The following WDR35 variants were observed in gnomAD, a reference collection of about 807,000 sequenced individuals.
WDR35 encodes WD repeat domain 35.
In WDR35, 118 loss-of-function variants were observed where a neutral mutation model predicts 158.3. That is an observed-to-expected ratio of 0.75 (90% CI 0.64 to 0.87). The LOEUF (loss-of-function observed/expected upper bound fraction) is 0.87, where lower values mean the gene tolerates loss of function less well. WDR35 is among the 40% of genes least tolerant of loss of function. The pLI is 0.00. For synonymous variants in WDR35, 448 were observed against 476.1 expected (o/e 0.94, Z 0.77); for missense variants, 1,263 against 1,405.8 (o/e 0.90, Z 1.62).
chr2:19,941,665 T>A, intron 17 of WDR35, 94 bp downstream of exon 17: 1 of 914,828 alleles, frequency 1.1e-6, no homozygotes, highest in Non-Finnish European at 1.7e-6. Flanking sequence ...ATCTGACTCC[T>A]GGGTCCACAC....
At chr2:19,986,360 G>C (rs992451824) in intron 2 of WDR35, among the ~76,000 whole-genome samples, 1 of 152,104 alleles carries the variant, frequency 6.6e-6, no homozygotes, top group Non-Finnish European at 1.5e-5. Flanking sequence ...GGCATTTAAG[G>C]GCATGAGAAT....
intron 9 of WDR35, among the ~76,000 whole-genome samples, chr2:19,967,164 T>C (rs1197261828): frequency 6.6e-6 from 1 of 152,194 alleles, no homozygotes; most frequent in Non-Finnish European, 1.5e-5. Context: ...ATTGGTAAGA[T>C]TTAAGCTTCA....
intron 7 of WDR35, among the ~76,000 whole-genome samples, chr2:19,974,097 CA>C (rs773844344): frequency 1.0e-3 from 145 of 139,074 alleles, no homozygotes; most frequent in Non-Finnish European, 1.1e-3. Flanking sequence ...GACCCTGTCG[CA>C]AAAAAAAAAA....
chr2:19,979,532 T>C (rs904414187), intron 4 of WDR35, among the ~76,000 whole-genome samples: 1 of 152,256 alleles, frequency 6.6e-6, no homozygotes, highest in Non-Finnish European at 1.5e-5. Flanking sequence ...ACTTGTCTTT[T>C]AGCATAACCA....
chr2:19,917,110 C>G (rs1033649049), intron 25 of WDR35, among the ~76,000 whole-genome samples: 1 of 152,134 alleles, frequency 6.6e-6, no homozygotes, highest in Non-Finnish European at 1.5e-5. Flanking sequence ...CGGTCTGGAG[C>G]GGACCTCCAG....
intron 25 of WDR35, among the ~76,000 whole-genome samples, chr2:19,924,252 G>A (rs1670283845): frequency 6.6e-6 from 1 of 152,112 alleles, no homozygotes; most frequent in South Asian, 2.1e-4. Context: ...TTATAGCTTG[G>A]TTACAGGAGT....
chr2:19,989,899 G>A, intron 1 of WDR35, 93 bp downstream of exon 1: 18 of 1,573,906 alleles, frequency 1.1e-5, no homozygotes, highest in Non-Finnish European at 1.5e-5. Context: ...GACCAGGACC[G>A]GGTGAAGGAG....
At position 19,913,709 on chromosome 2, in the gene WDR35, C is replaced by G. The variant is rs922877787; in HGVS notation, c.3363-1G>C. 2 of 1,613,914 alleles carry G rather than the reference C, an allele frequency of 1.2e-6. No homozygotes were observed. Among genetic ancestry groups the G allele is most frequent in the Non-Finnish European group, 1.7e-6 (2 of 1,179,970 alleles). ...GCATGTTGGCAGTTTCCCTTCTCCA[C>G]TGTAAAACGGGGAGAAACAATTCAT... is the stretch of plus-strand genomic sequence containing the variant. On this transcript the variant is annotated splice_acceptor_variant, in intron 26 of 26. Transcript: ENST00000281405. LOFTEE classifies it high-confidence loss of function.
chr2:19,933,298 T>C (rs1272047892), intron 22 of WDR35, 103 bp downstream of exon 22: 5 of 926,818 alleles, frequency 5.4e-6, no homozygotes, highest in East Asian at 2.6e-5. Context: ...AACCCTTACA[T>C]TGGCAATAAT....
chr2:19,968,581 CCTTTTGACATTT>C (rs1671932062), intron 9 of WDR35, among the ~76,000 whole-genome samples: 1 of 152,264 alleles, frequency 6.6e-6, no homozygotes, highest in South Asian at 2.1e-4. Flanking sequence ...TCAGCAATGT[CCTTTTGACATTT>C]CCCCATCCTT....
chr2:19,977,078 C>T (rs144174095), intron 5 of WDR35, among the ~76,000 whole-genome samples: 20 of 152,252 alleles, frequency 1.3e-4, no homozygotes, highest in Middle Eastern at 3.4e-3. Flanking sequence ...GCAATCCTCC[C>T]GCCTTGGCTT....
At chr2:19,933,554 A>C (rs1213922917) in intron 21 of WDR35, 43 bp from the exon 22 acceptor site, 7 of 1,524,286 alleles carry the variant, frequency 4.6e-6, no homozygotes, top group Non-Finnish European at 5.4e-6. Flanking sequence ...CAGACCAAGG[A>C]AATTACTTAT....
chr2:19,926,733 A>G (rs1670365670), intron 25 of WDR35, among the ~76,000 whole-genome samples: 1 of 152,248 alleles, frequency 6.6e-6, no homozygotes, highest in South Asian at 2.1e-4. Flanking sequence ...AGTTTGGTGG[A>G]GAGATCTGAT....
chr2:19,976,749 A>G (rs1478323560), intron 5 of WDR35, among the ~76,000 whole-genome samples: 1 of 147,706 alleles, frequency 6.8e-6, no homozygotes, highest in Non-Finnish European at 1.5e-5. Context: ...CCATTAGCCC[A>G]TATACTCCTT....
chr2:19,918,250 C>CTT (rs1460854110), intron 25 of WDR35, among the ~76,000 whole-genome samples: 8 of 152,184 alleles, frequency 5.3e-5, no homozygotes, highest in African/African-American at 1.9e-4. Flanking sequence ...AAGCACTAAA[C>CTT]ATGGAAAGGA....
At chr2:19,948,126 G>C in intron 14 of WDR35, 38 bp downstream of exon 14, 1 of 1,499,616 alleles carries the variant, frequency 6.7e-7, no homozygotes, top group East Asian at 2.4e-5. Context: ...ATAATTTAAA[G>C]AATTATTATT....
chr2:19,947,715 T>C (rs1475847895), intron 14 of WDR35, among the ~76,000 whole-genome samples: 1 of 151,978 alleles, frequency 6.6e-6, no homozygotes, highest in East Asian at 1.9e-4. Flanking sequence ...AACTTTCTAA[T>C]ACCTACTACC....
Position 19,948,168 on chromosome 2 carries a change from A to C in WDR35, c.1520T>G (p.Ile507Ser), listed in dbSNP as rs1444376006. The C allele has an allele frequency of 6.2e-7, 1 of 1,607,658 alleles. No individual in the cohort carries two copies. The highest frequency in any genetic ancestry group is 1.3e-5 in the African/African-American group (1 of 74,780). ...ATAAGTTTTTGCAAAACTTACCACA[A>C]TCAATATCTTATCTGATGCAGTTAT... ...CAITASDKIL[I>S]VGRESGTIQR... Residue 507 changes from isoleucine (I) to serine (S), a missense_variant, in exon 14 of 27, where the codon ATT becomes AGT. Ile to Ser is a moderately radical substitution (Grantham distance 142). Coordinates refer to ENST00000281405, the MANE Select transcript of WDR35 (RefSeq NM_020779.4).
chr2:19,976,800 C>T (rs918753041), intron 5 of WDR35, among the ~76,000 whole-genome samples: 13 of 146,996 alleles, frequency 8.8e-5, no homozygotes, highest in Non-Finnish European at 1.5e-4. Flanking sequence ...CCTTCTTCTG[C>T]CTATCCCTTA....
Sources: allele counts gnomAD v4.1 joint callset (sites outside exome capture counted in the v4.1 genomes callset), GRCh38; gene constraint gnomAD v4.1.1; transcripts MANE v1.5; gene names NCBI Gene and HGNC (gene_info 2026-07-23, HGNC 2026-07-21).